The following PARD3B variants were observed in gnomAD, a reference collection of about 807,000 sequenced individuals.
The protein encoded by PARD3B is par-3 family cell polarity regulator beta.
In PARD3B, 103 loss-of-function variants were observed where a neutral mutation model predicts 130.2. That is an observed-to-expected ratio of 0.79 (90% CI 0.67 to 0.93). The LOEUF is 0.93. Among genes scored for constraint, PARD3B ranks in the 40% least tolerant of loss-of-function variants. The pLI, the probability that PARD3B is intolerant of heterozygous loss-of-function variation, is 0.00. For missense variants in PARD3B, 1,609 were observed against 1,499.2 expected (o/e 1.07, Z -1.21); for synonymous variants, 583 against 553.2 (o/e 1.05, Z -0.76).
intron 4 of PARD3B, among the ~76,000 whole-genome samples, chr2:205,102,341 AAGTT>A: frequency 6.6e-6 from 1 of 152,134 alleles, no homozygotes; most frequent in African/African-American, 2.4e-5. Flanking sequence ...ACAGATAAGA[AAGTT>A]AATGATTTTG....
intron 3 of PARD3B, among the ~76,000 whole-genome samples, chr2:205,018,412 C>A (rs11675399): frequency 6.6e-6 from 1 of 152,104 alleles, no homozygotes; most frequent in African/African-American, 2.4e-5. Flanking sequence ...GACCAACATT[C>A]TACCACTTAG....
intron 15 of PARD3B, among the ~76,000 whole-genome samples, chr2:205,215,604 T>C (rs570217890): frequency 2.8e-4 from 43 of 152,078 alleles, no homozygotes; most frequent in African/African-American, 1.0e-3. Context: ...ATTAAGAAAA[T>C]TGAGATATTA....
At chr2:205,344,201 TGTG>T (rs2043659956) in intron 18 of PARD3B, among the ~76,000 whole-genome samples, 5 of 151,454 alleles carry the variant, frequency 3.3e-5, no homozygotes, top group Non-Finnish European at 1.5e-5. Context: ...GGTTTGTGTG[TGTG>T]TGTGTGTGTG....
chr2:205,154,533 A>G (rs2033984400), intron 10 of PARD3B, among the ~76,000 whole-genome samples: 1 of 152,234 alleles, frequency 6.6e-6, no homozygotes, highest in Admixed American at 6.5e-5. Flanking sequence ...TGACCCATCA[A>G]TCCCATTACT....
chr2:205,488,705 A>G (rs1045802834), intron 20 of PARD3B, among the ~76,000 whole-genome samples: 4 of 152,152 alleles, frequency 2.6e-5, no homozygotes, highest in African/African-American at 7.2e-5. Context: ...TAAAACTTAC[A>G]TTAGGAAAGG....
chr2:205,272,972 C>T (rs895214691), intron 16 of PARD3B, among the ~76,000 whole-genome samples: 7 of 152,176 alleles, frequency 4.6e-5, no homozygotes, highest in Admixed American at 6.5e-5. Flanking sequence ...AGTAGTTATA[C>T]ATGAGACAGA....
At chr2:204,818,399 T>TAA (rs1273460836) in intron 2 of PARD3B, among the ~76,000 whole-genome samples, 2 of 152,186 alleles carry the variant, frequency 1.3e-5, no homozygotes, top group African/African-American at 2.4e-5. Flanking sequence ...ATGTAAACTA[T>TAA]TTGCTTCTTT....
At chr2:205,232,334 C>A (rs1328599638) in intron 15 of PARD3B, among the ~76,000 whole-genome samples, 1 of 152,082 alleles carries the variant, frequency 6.6e-6, no homozygotes, top group Non-Finnish European at 1.5e-5. Context: ...ACACTGTAGT[C>A]CTAGCTACTT....
chr2:204,571,982 C>T (rs909253698), intron 1 of PARD3B, among the ~76,000 whole-genome samples: 15 of 152,094 alleles, frequency 9.9e-5, no homozygotes, highest in African/African-American at 3.1e-4. Context: ...GGATTCATAA[C>T]CGTGTAACTT....
intron 1 of PARD3B, 159 bp downstream of exon 1, chr2:204,546,278 T>G: frequency 9.2e-7 from 1 of 1,082,380 alleles, no homozygotes; most frequent in Non-Finnish European, 1.3e-6. Context: ...GATGTGGGTG[T>G]CTTTGGGTGT....
chr2:204,842,094 G>T (rs2044278388), intron 2 of PARD3B, among the ~76,000 whole-genome samples: 1 of 152,012 alleles, frequency 6.6e-6, no homozygotes, highest in South Asian at 2.1e-4. Flanking sequence ...CTAATTATTT[G>T]GATTTTCTTA....
At position 205,300,651 on chromosome 2, in the gene PARD3B, G is replaced by A. The variant is rs928737378; in HGVS notation, c.2307G>A (p.Pro769=). ...ACCTTCCCTTTCACAGGCCCCGGCCGCACATGGTTCGAGGCCGAGGCTGCA... is the reference window on the plus strand; with the variant it reads ...ACCTTCCCTTTCACAGGCCCCGGCCACACATGGTTCGAGGCCGAGGCTGCA... ...KNDLPFHRPR[P]HMVRGRGCNE... Residue 769 remains proline, a synonymous_variant, in exon 17 of 23, where the codon CCG becomes CCA. Transcript: ENST00000406610. The surrounding 1 kb of genome is among the most constrained non-coding windows in gnomAD (Gnocchi z 4.1). 33 of 1,613,830 alleles carry A rather than the reference G, an allele frequency of 2.0e-5. No individual in the cohort carries two copies. Among genetic ancestry groups the A allele is most frequent in the South Asian group, 8.8e-5 (8 of 91,074 alleles).
chr2:204,674,369 C>A (rs1016338), intron 1 of PARD3B, among the ~76,000 whole-genome samples: 112,020 of 152,066 alleles, frequency 0.74, 42,782 homozygotes, highest in Middle Eastern at 0.85. Flanking sequence ...CCTGTGATCC[C>A]TCTGCAGCAT....
chr2:204,583,193 T>C (rs868539260), intron 1 of PARD3B, among the ~76,000 whole-genome samples: 9 of 123,400 alleles, frequency 7.3e-5, no homozygotes, highest in Non-Finnish European at 1.2e-4. Context: ...TATTGCGGCA[T>C]TATTCACAAT....
At chr2:204,652,102 C>A (rs2035499260) in intron 1 of PARD3B, among the ~76,000 whole-genome samples, 1 of 152,184 alleles carries the variant, frequency 6.6e-6, no homozygotes, top group Admixed American at 6.5e-5. Context: ...ACATTTTCCC[C>A]ATTGTCTTGG....
intron 2 of PARD3B, among the ~76,000 whole-genome samples, chr2:204,842,052 G>A (rs903498634): frequency 2.6e-5 from 4 of 151,994 alleles, no homozygotes; most frequent in Non-Finnish European, 5.9e-5. Context: ...AAAATTCCCC[G>A]ACTAAAAATC....
intron 3 of PARD3B, among the ~76,000 whole-genome samples, chr2:204,990,134 A>G (rs1277817933): frequency 6.6e-6 from 1 of 152,112 alleles, no homozygotes; most frequent in South Asian, 2.1e-4. Flanking sequence ...GAAATATTTC[A>G]TTGTGATTGA....
intron 4 of PARD3B, among the ~76,000 whole-genome samples, chr2:205,081,760 A>G (rs1701423973): frequency 6.6e-6 from 1 of 152,078 alleles, no homozygotes; most frequent in South Asian, 2.1e-4. Context: ...TATCTTTTGT[A>G]TATATTGCTA....
At position 205,448,205 on chromosome 2, in the gene PARD3B, T is replaced by C. The variant is rs950106610; in HGVS notation, c.3044+7533T>C. Reference sequence around the variant, plus strand: ...GCAGCCATTTGGGGAATGTGTACACTAAAGTCTATTGAGTTTATGATTGCT... The same window carrying C: ...GCAGCCATTTGGGGAATGTGTACACCAAAGTCTATTGAGTTTATGATTGCT... On this transcript the variant is annotated intron_variant, in intron 20 of 22. Transcript: ENST00000406610. Among the ~76,000 whole-genome samples, 7 of 152,316 alleles carry C rather than the reference T, an allele frequency of 4.6e-5. No individual in the cohort carries two copies. The East Asian group carries it at 1.4e-3, about 29-fold the overall frequency.
Sources: allele counts gnomAD v4.1 joint callset (sites outside exome capture counted in the v4.1 genomes callset), GRCh38; gene constraint gnomAD v4.1.1; non-coding constraint Gnocchi (gnomAD v3.1); transcripts MANE v1.5; gene names NCBI Gene and HGNC (gene_info 2026-07-23, HGNC 2026-07-21).